The following EPRS1 variants were observed in gnomAD, a reference collection of about 807,000 sequenced individuals.
EPRS1 encodes bifunctional glutamate/proline--tRNA ligase.
In EPRS1, 107 loss-of-function variants were observed where a neutral mutation model predicts 188.3. That is an observed-to-expected ratio of 0.57 (90% CI 0.49 to 0.67). EPRS1 has a LOEUF of 0.67. Ranked by LOEUF, EPRS1 falls within the 30% of genes least tolerant of loss-of-function variation. The pLI is 0.00. For missense variants in EPRS1, 1,577 were observed against 1,802.2 expected (o/e 0.88, Z 2.26); for synonymous variants, 596 against 593.1 (o/e 1.00, Z -0.07).
chr1:220,039,918 G>A, intron 2 of EPRS1, among the ~76,000 whole-genome samples: 1 of 152,298 alleles, frequency 6.6e-6, no homozygotes, highest in East Asian at 1.9e-4. Flanking sequence ...ATGGCTTGAG[G>A]CCAGGGGTTC....
chr1:220,016,339 G>A (rs867435887), intron 12 of EPRS1, among the ~76,000 whole-genome samples: 84 of 145,518 alleles, frequency 5.8e-4, no homozygotes, highest in African/African-American at 2.0e-3. Flanking sequence ...GTGAGATTCC[G>A]CTACAAAAAG....
chr1:220,024,977 A>G, intron 7 of EPRS1, 155 bp downstream of exon 7: 1 of 711,036 alleles, frequency 1.4e-6, no homozygotes, highest in South Asian at 1.6e-5. Flanking sequence ...TGGGAGCTCG[A>G]CATTTCTTGG....
intron 21 of EPRS1, 83 bp from the exon 22 acceptor site, chr1:219,983,481 CA>C: frequency 3.2e-6 from 3 of 947,716 alleles, no homozygotes; most frequent in Non-Finnish European, 4.8e-6. Flanking sequence ...AACCAAAATT[CA>C]AATCTGGAGG....
intron 1 of EPRS1, among the ~76,000 whole-genome samples, chr1:220,040,664 G>A (rs1419833167): frequency 2.0e-5 from 3 of 151,590 alleles, no homozygotes; most frequent in Non-Finnish European, 4.4e-5. Context: ...CAGCCTGACC[G>A]ACATGGAGAA....
intron 28 of EPRS1, among the ~76,000 whole-genome samples, chr1:219,975,093 A>C (rs1010604849): frequency 2.0e-5 from 3 of 152,350 alleles, no homozygotes; most frequent in Non-Finnish European, 4.4e-5. Context: ...TGATTAAAGA[A>C]AACTAAAAGG....
At chr1:219,987,764 C>T (rs1037732067) in intron 19 of EPRS1, among the ~76,000 whole-genome samples, 1 of 152,176 alleles carries the variant, frequency 6.6e-6, no homozygotes, top group African/African-American at 2.4e-5. Context: ...GACTGGAAAA[C>T]AGCACAGTCT....
chr1:219,986,039 T>G (rs775188941), intron 20 of EPRS1, among the ~76,000 whole-genome samples: 20 of 152,184 alleles, frequency 1.3e-4, no homozygotes, highest in Non-Finnish European at 2.5e-4. Flanking sequence ...TTATTCAGTT[T>G]AATAGTCAAA....
intron 12 of EPRS1, among the ~76,000 whole-genome samples, chr1:220,012,382 C>T (rs1188993885): frequency 6.6e-6 from 1 of 152,144 alleles, no homozygotes; most frequent in Non-Finnish European, 1.5e-5. Context: ...ACTAGACAAC[C>T]CCGCCTAAGA....
chr1:219,997,205 T>C lies in EPRS1; in HGVS notation c.2319A>G (p.Pro773=). The change falls in exon 18 of 32, where the codon CCA becomes CCG. Residue 773 remains proline (P), a synonymous_variant. Transcript: ENST00000366923. ...TTACAGCTGCATCTACATCTTCCTT[T>C]GGTGCTTTCTTGGCTTTTAATTCAC... is the stretch of plus-strand genomic sequence containing the variant. ...VVRELKAKKA[P]KEDVDAAVKQ... is the part of the protein sequence containing the mutation. 1.9e-6 allele frequency: 3 copies of C among 1,614,122 alleles called. No individual in the cohort carries two copies. Among genetic ancestry groups the C allele is most frequent in the Non-Finnish European group, 2.5e-6 (3 of 1,179,994 alleles).
At chr1:220,039,797 T>C (rs1461367070) in intron 2 of EPRS1, among the ~76,000 whole-genome samples, 2 of 152,160 alleles carry the variant, frequency 1.3e-5, no homozygotes, top group African/African-American at 4.8e-5. Context: ...GGATTACAGG[T>C]GTGAGCCACC....
Position 219,997,234 on chromosome 1 carries a change from C to A in EPRS1, c.2290G>T (p.Val764Phe), listed in dbSNP as rs775442921. Residue 764 changes from valine (V) to phenylalanine (F), a missense_variant, in exon 18 of 32, where the codon GTT becomes TTT. This residue lies in a region of EPRS1 where 1,278 missense variants were observed against 1,457.4 expected (regional missense o/e 0.88). Transcript: ENST00000366923. ...YNRVAVQGDV[V>F]RELKAKKAPK... ...GCTTTCTTGGCTTTTAATTCACGAA[C>A]CACATCTCCTTGAACAGCCACTCTA... The A allele has an allele frequency of 6.8e-6, 11 of 1,614,034 alleles. No individual in the cohort carries two copies. Among genetic ancestry groups the A allele is most frequent in the Non-Finnish European group, 9.3e-6 (11 of 1,179,976 alleles).
At chr1:220,019,115 T>C in intron 10 of EPRS1, 36 bp from the exon 11 acceptor site, 2 of 1,273,154 alleles carry the variant, frequency 1.6e-6, no homozygotes, top group Non-Finnish European at 2.3e-6. Flanking sequence ...CAAGGAAATT[T>C]TGTAATGTGT....
intron 13 of EPRS1, among the ~76,000 whole-genome samples, chr1:220,010,093 C>CAA (rs3055587): frequency 0.013 from 1,306 of 100,476 alleles, 44 homozygotes; most frequent in African/African-American, 0.044. Flanking sequence ...GCAACTGTCT[C>CAA]AAAAAAAAAA....
At chr1:219,973,126 G>A in intron 29 of EPRS1, 112 bp downstream of exon 29, 2 of 833,442 alleles carry the variant, frequency 2.4e-6, no homozygotes, top group Non-Finnish European at 3.9e-6. Flanking sequence ...TGGGGGTTCA[G>A]AGGGAGGGAA....
intron 15 of EPRS1, among the ~76,000 whole-genome samples, chr1:220,005,657 T>C (rs1401991284): frequency 6.6e-6 from 1 of 152,146 alleles, no homozygotes; most frequent in African/African-American, 2.4e-5. Flanking sequence ...GCAAGAAGCA[T>C]GTAATAGACT....
intron 2 of EPRS1, among the ~76,000 whole-genome samples, chr1:220,036,649 C>CA (rs1167545216): frequency 6.6e-6 from 1 of 151,888 alleles, no homozygotes; most frequent in East Asian, 1.9e-4. Flanking sequence ...CACATGAACA[C>CA]AAAAAAGGGA....
At chr1:220,016,148 A>G (rs1661706056) in intron 12 of EPRS1, among the ~76,000 whole-genome samples, 1 of 152,150 alleles carries the variant, frequency 6.6e-6, no homozygotes, top group South Asian at 2.1e-4. Flanking sequence ...GTTCGAGACC[A>G]GCCTGGCCAA....
At chr1:219,969,284 C>T in intron 30 of EPRS1, 162 bp from the exon 31 acceptor site, 1 of 613,650 alleles carries the variant, frequency 1.6e-6, no homozygotes, top group South Asian at 2.0e-5. Flanking sequence ...GAACTTTGCT[C>T]AGTTATAAAA....
At chr1:220,033,751 A>G (rs1662127074) in intron 3 of EPRS1, 93 bp from the exon 4 acceptor site, 1 of 817,864 alleles carries the variant, frequency 1.2e-6, no homozygotes, top group Non-Finnish European at 2.1e-6. Context: ...CTAGAGCAAC[A>G]GTACACTCTT....
Sources: allele counts gnomAD v4.1 joint callset (sites outside exome capture counted in the v4.1 genomes callset), GRCh38; gene constraint gnomAD v4.1.1; regional missense constraint gnomAD v4.1.1; transcripts MANE v1.5; gene names NCBI Gene and HGNC (gene_info 2026-07-23, HGNC 2026-07-21).